ZC3H6: variants seen among roughly 807,000 people sequenced by gnomAD.
ZC3H6 encodes the protein zinc finger CCCH domain-containing protein 6.
ZC3H6 carries 40 observed loss-of-function variants against 107.7 expected under a neutral mutation model. That is an observed-to-expected ratio of 0.37 (90% confidence interval 0.29 to 0.48). ZC3H6 has a LOEUF of 0.48. ZC3H6 is among the 20% of genes least tolerant of loss of function. The pLI is 0.98. For synonymous variants in ZC3H6, 493 were observed against 487.9 expected (o/e 1.01, Z -0.14); for missense variants, 1,267 against 1,410.4 (o/e 0.90, Z 1.63).
intron 2 of ZC3H6, 30 bp downstream of exon 2, chr2:112,300,059 GATAA>G (rs1381798298): frequency 7.0e-6 from 9 of 1,294,608 alleles, no homozygotes; most frequent in Non-Finnish European, 8.0e-6. Context: ...TTATTCTTTT[GATAA>G]ATGTTTATGA....
chr2:112,275,925 T>A lies in ZC3H6; in HGVS notation c.-70T>A, dbSNP rs997196148. On this transcript the variant is annotated 5_prime_UTR_variant, in exon 1 of 12. Transcript: ENST00000409871. ...AGGTTCCCGCAGGCGGCGCGGGGGG[T>A]CTTCCCCGCGCCCCGCCGCCGCCGG... 1.5e-6 allele frequency: 2 copies of A among 1,378,834 alleles called. No individual in the cohort carries two copies. Among genetic ancestry groups the A allele is most frequent in the Non-Finnish European group, 1.9e-6 (2 of 1,033,608 alleles). 85.4% of individuals were successfully genotyped at this position (1,378,834 alleles called of 1,614,324 possible).
intron 5 of ZC3H6, among the ~76,000 whole-genome samples, chr2:112,314,421 G>T (rs1185106530): frequency 6.6e-6 from 1 of 152,060 alleles, no homozygotes. Context: ...ACTCATTTAA[G>T]TGGAACTAAA....
intron 3 of ZC3H6, among the ~76,000 whole-genome samples, chr2:112,307,356 T>A (rs867282109): frequency 4.6e-5 from 7 of 152,208 alleles, no homozygotes; most frequent in Admixed American, 3.3e-4. Context: ...TTTCCAGTGA[T>A]TGCTGTGGGG....
chr2:112,278,798 C>T (rs570064233), intron 1 of ZC3H6, among the ~76,000 whole-genome samples: 27 of 152,110 alleles, frequency 1.8e-4, no homozygotes, highest in African/African-American at 6.0e-4. Context: ...ATTTTTTTCT[C>T]GTTTAAAGAA....
At chr2:112,301,630 A>G (rs1008908385) in intron 2 of ZC3H6, among the ~76,000 whole-genome samples, 11 of 152,196 alleles carry the variant, frequency 7.2e-5, no homozygotes, top group Non-Finnish European at 1.6e-4. Context: ...CAGAAAAGAA[A>G]GCATGCCCAC....
chr2:112,277,157 G>C (rs1686442574), intron 1 of ZC3H6, among the ~76,000 whole-genome samples: 1 of 152,136 alleles, frequency 6.6e-6, no homozygotes, highest in African/African-American at 2.4e-5. Context: ...AACAACTTCA[G>C]TATTGTAATA....
chr2:112,305,495 G>T (rs947010662), intron 3 of ZC3H6, among the ~76,000 whole-genome samples: 4 of 151,958 alleles, frequency 2.6e-5, no homozygotes, highest in Non-Finnish European at 4.4e-5. Flanking sequence ...TTAATATTAC[G>T]CTGACTATTA....
chr2:112,312,032 C>A, intron 5 of ZC3H6, 95 bp downstream of exon 5: 2 of 1,251,902 alleles, frequency 1.6e-6, no homozygotes, highest in South Asian at 4.2e-5. Context: ...TGATACTTCT[C>A]TAGTAAATGA....
chr2:112,308,328 AG>A (rs1286770152), intron 3 of ZC3H6, among the ~76,000 whole-genome samples: 2 of 151,976 alleles, frequency 1.3e-5, no homozygotes, highest in Admixed American at 1.3e-4. Flanking sequence ...ATAATTAGAA[AG>A]ATCTAATACT....
chr2:112,306,411 G>A (rs1676477834), intron 3 of ZC3H6, among the ~76,000 whole-genome samples: 1 of 152,124 alleles, frequency 6.6e-6, no homozygotes. Flanking sequence ...GACCTCAGGT[G>A]ATCTGCCCAC....
chr2:112,302,930 G>A (rs878991542), intron 2 of ZC3H6, among the ~76,000 whole-genome samples: 1 of 151,794 alleles, frequency 6.6e-6, no homozygotes, highest in Admixed American at 6.6e-5. Flanking sequence ...TTTAGGTTTA[G>A]CTTAAATGTA....
At chr2:112,293,556 C>G (rs1366145181) in intron 1 of ZC3H6, among the ~76,000 whole-genome samples, 2 of 152,164 alleles carry the variant, frequency 1.3e-5, no homozygotes, top group East Asian at 3.8e-4. Flanking sequence ...ATGCCGAAGG[C>G]CAAGTTTTGA....
chr2:112,311,908 G>A lies in ZC3H6; in HGVS notation c.718G>A (p.Val240Met). 6 of 1,613,020 alleles carry A rather than the reference G, an allele frequency of 3.7e-6. No homozygotes were observed. Among genetic ancestry groups the A allele is most frequent in the African/African-American group, 1.3e-5 (1 of 75,018 alleles). The change falls in exon 5 of 12, where the codon GTG (valine) becomes ATG (methionine). Residue 240 changes from valine to methionine, a missense_variant. Transcript: ENST00000409871. ...RGGRTNKGPN[V>M]FSVSDDFQEY... Reference sequence around the variant, plus strand: ...GGGAAGAACCAATAAAGGGCCTAATGTGTTTTCAGTATCGGATGACTTTCA... The same window carrying A: ...GGGAAGAACCAATAAAGGGCCTAATATGTTTTCAGTATCGGATGACTTTCA...
intron 1 of ZC3H6, among the ~76,000 whole-genome samples, chr2:112,295,607 T>C (rs1676217265): frequency 6.6e-6 from 1 of 152,164 alleles, no homozygotes; most frequent in African/African-American, 2.4e-5. Flanking sequence ...CGTCCAAAGC[T>C]GACATTTCAA....
chr2:112,287,747 G>A (rs1297197271), intron 1 of ZC3H6, among the ~76,000 whole-genome samples: 17 of 152,192 alleles, frequency 1.1e-4, no homozygotes, highest in Middle Eastern at 3.4e-3. Flanking sequence ...GACTACAGGC[G>A]CATGCCACCA....
At chr2:112,300,338 TG>T (rs1164595044) in intron 2 of ZC3H6, among the ~76,000 whole-genome samples, 1 of 152,092 alleles carries the variant, frequency 6.6e-6, no homozygotes, top group Admixed American at 6.6e-5. Flanking sequence ...CCTGAGTAGC[TG>T]GAACTACAGG....
chr2:112,285,300 A>T (rs1686586493), intron 1 of ZC3H6, among the ~76,000 whole-genome samples: 1 of 152,162 alleles, frequency 6.6e-6, no homozygotes, highest in South Asian at 2.1e-4. Flanking sequence ...AAAGATTTTC[A>T]TTCCAAGTTT....
intron 9 of ZC3H6, 75 bp from the exon 10 acceptor site, chr2:112,324,077 T>C: frequency 5.5e-6 from 8 of 1,443,782 alleles, no homozygotes; most frequent in Middle Eastern, 3.7e-4. Context: ...TTAACCAATA[T>C]CTGTTTAGAA....
intron 1 of ZC3H6, among the ~76,000 whole-genome samples, chr2:112,297,236 A>T (rs1044081076): frequency 6.6e-6 from 1 of 152,244 alleles, no homozygotes; most frequent in East Asian, 1.9e-4. Context: ...GACCACGTCC[A>T]CTATCCGTAG....
Sources: gnomAD v4.1 joint callset for allele counts (sites outside exome capture counted in the v4.1 genomes callset) on GRCh38, gnomAD v4.1.1 for gene constraint, MANE v1.5 for transcripts, NCBI Gene and HGNC (gene_info 2026-07-23, HGNC 2026-07-21) for gene names.